Variants in CEP55 observed in about 807,000 individuals in gnomAD.
The protein encoded by CEP55 is centrosomal protein of 55 kDa.
CEP55 carries 57 observed loss-of-function variants against 63.2 expected under a neutral mutation model. The ratio of observed to expected loss-of-function variants is 0.90; its 90% confidence interval spans 0.73 to 1.13. The LOEUF (loss-of-function observed/expected upper bound fraction) is 1.13. Ranked by LOEUF, CEP55 falls within the 50% of genes most tolerant of loss-of-function variation. The pLI is 0.00. For missense variants in CEP55, 456 were observed against 518.9 expected (o/e 0.88, Z 1.18); for synonymous variants, 178 against 191.6 (o/e 0.93, Z 0.59).
intron 8 of CEP55, among the ~76,000 whole-genome samples, chr10:93,521,022 C>T (rs1182071633): frequency 6.6e-6 from 1 of 152,048 alleles, no homozygotes; most frequent in Non-Finnish European, 1.5e-5. Context: ...GTCTACAGCT[C>T]CCAGCGTGAG....
At chr10:93,508,212 A>G (rs1427586539) in intron 4 of CEP55, among the ~76,000 whole-genome samples, 1 of 152,214 alleles carries the variant, frequency 6.6e-6, no homozygotes, top group African/African-American at 2.4e-5. Context: ...TTGAGGACAC[A>G]GGACTGCTAC....
chr10:93,505,355 G>C (rs1376420064), intron 3 of CEP55, among the ~76,000 whole-genome samples: 3 of 152,064 alleles, frequency 2.0e-5, no homozygotes, highest in Non-Finnish European at 4.4e-5. Context: ...TTTAGGGTAG[G>C]GTCCCCCACC....
At chr10:93,524,152 C>G (rs1313770331) in intron 8 of CEP55, among the ~76,000 whole-genome samples, 1 of 152,086 alleles carries the variant, frequency 6.6e-6, no homozygotes, top group East Asian at 1.9e-4. Flanking sequence ...AATCCAGGAG[C>G]TGGTTTTTTG....
At chr10:93,497,143 T>C (rs1467501960) in intron 1 of CEP55, among the ~76,000 whole-genome samples, 2 of 152,256 alleles carry the variant, frequency 1.3e-5, no homozygotes, top group African/African-American at 4.8e-5. Flanking sequence ...AAGATTGGCG[T>C]CGCCTTGTAG....
intron 4 of CEP55, among the ~76,000 whole-genome samples, chr10:93,513,976 A>G: frequency 7.0e-6 from 1 of 142,716 alleles, no homozygotes; most frequent in South Asian, 2.4e-4. Flanking sequence ...ACGGGGTCTC[A>G]CTCTATTGTC....
chr10:93,507,268 C>T (rs1268698760), intron 4 of CEP55, among the ~76,000 whole-genome samples: 1 of 149,756 alleles, frequency 6.7e-6, no homozygotes, highest in East Asian at 2.0e-4. Context: ...GGTCTGTTGC[C>T]CAGGCTGGAG....
intron 2 of CEP55, among the ~76,000 whole-genome samples, chr10:93,502,176 C>T (rs2057642488): frequency 6.6e-6 from 1 of 152,124 alleles, no homozygotes; most frequent in Non-Finnish European, 1.5e-5. Flanking sequence ...GAATTATGCA[C>T]TTAGAATTGA....
chr10:93,501,241 C>T (rs1189412889), intron 2 of CEP55, among the ~76,000 whole-genome samples: 12 of 152,084 alleles, frequency 7.9e-5, no homozygotes, highest in Non-Finnish European at 1.0e-4. Flanking sequence ...AACTATATTT[C>T]GGATTCCCTA....
chr10:93,525,278 C>T (rs929523590), intron 8 of CEP55, among the ~76,000 whole-genome samples: 9 of 152,122 alleles, frequency 5.9e-5, no homozygotes, highest in Admixed American at 5.9e-4. Context: ...AAATCACAAG[C>T]ATTCTTATAC....
At chr10:93,511,039 A>T (rs557470665) in intron 4 of CEP55, among the ~76,000 whole-genome samples, 2 of 151,204 alleles carry the variant, frequency 1.3e-5, no homozygotes, top group Non-Finnish European at 2.9e-5. Context: ...CCCTGGTTCA[A>T]GCGATTCTTC....
intron 4 of CEP55, among the ~76,000 whole-genome samples, chr10:93,513,133 C>T (rs2057769392): frequency 6.6e-6 from 1 of 152,168 alleles, no homozygotes; most frequent in African/African-American, 2.4e-5. Context: ...GACAAATGGA[C>T]TCTTAAGCCA....
chr10:93,521,117 G>T (rs1045730777), intron 8 of CEP55, among the ~76,000 whole-genome samples: 1 of 152,044 alleles, frequency 6.6e-6, no homozygotes, highest in Non-Finnish European at 1.5e-5. Context: ...TGGATGCAGC[G>T]CACCGAGCGT....
chr10:93,499,518 CT>C (rs528933732), intron 1 of CEP55, among the ~76,000 whole-genome samples: 6,739 of 120,648 alleles, frequency 0.056, 171 homozygotes, highest in African/African-American at 0.15. Flanking sequence ...TACAAGTTGA[CT>C]TTTTTTTTTT....
chr10:93,510,937 C>A (rs1216558551), intron 4 of CEP55, among the ~76,000 whole-genome samples: 1 of 118,124 alleles, frequency 8.5e-6, no homozygotes, highest in Non-Finnish European at 1.7e-5. Context: ...TTCCACAGGA[C>A]TTTTTTTTTT....
chr10:93,512,905 C>G (rs2057767681), intron 4 of CEP55, among the ~76,000 whole-genome samples: 1 of 152,308 alleles, frequency 6.6e-6, no homozygotes, highest in South Asian at 2.1e-4. Context: ...TTTTTCCCAA[C>G]TTTTATGATT....
chr10:93,513,950 C>CTTTT (rs575229278), intron 4 of CEP55, among the ~76,000 whole-genome samples: 2 of 144,388 alleles, frequency 1.4e-5, no homozygotes, highest in Non-Finnish European at 1.5e-5. Flanking sequence ...TCCCCCTCCC[C>CTTTT]TTTTTTTTTT....
Position 93,500,266 on chromosome 10 carries a change from G to A in CEP55, c.183+32G>A, listed in dbSNP as rs74150247. On this transcript the variant is annotated intron_variant, in intron 2 of 8. Transcript: ENST00000371485. ...GGTCTTCTGATCCTTTAAATTGTAA[G>A]CTCTCCAAGAAAGCGATGCATGAAG... 5.9e-3 allele frequency: 9,213 copies of A among 1,553,228 alleles called. 349 individuals are homozygous for A. The African/African-American group carries it at 0.095, about 16-fold the overall frequency.
In CEP55 at chr10:93,516,952, A is replaced by C. The variant is rs1355829060; in HGVS notation, c.697A>C (p.Lys233Gln). The C allele has an allele frequency of 8.2e-6, 13 of 1,581,656 alleles. No individual in the cohort carries two copies. Among genetic ancestry groups the C allele is most frequent in the Non-Finnish European group, 1.1e-5 (13 of 1,161,212 alleles). The change falls in exon 6 of 9, where the codon AAG becomes CAG. Residue 233 changes from lysine (K) to glutamine (Q), a missense_variant. Transcript: ENST00000371485. ...PESEGYLQEEKQKCYNDLLAS... is the reference protein window; with the variant it reads ...PESEGYLQEEQQKCYNDLLAS... ...TGTCATAGGTTATCTTCAAGAAGAG[A>C]AGCAGAAATGTTACAACGATCTCTT...
intron 1 of CEP55, among the ~76,000 whole-genome samples, chr10:93,497,889 C>T (rs1278775901): frequency 1.3e-5 from 2 of 151,682 alleles, no homozygotes; most frequent in African/African-American, 2.4e-5. Flanking sequence ...GAGGCCGAGG[C>T]GGGCAGATCA....
Sources: allele counts gnomAD v4.1 joint callset (sites outside exome capture counted in the v4.1 genomes callset), GRCh38; gene constraint gnomAD v4.1.1; transcripts MANE v1.5; gene names NCBI Gene and HGNC (gene_info 2026-07-23, HGNC 2026-07-21).